The following AK7 variants were observed in gnomAD, a reference collection of about 807,000 sequenced individuals.
AK7 encodes the protein adenylate kinase 7.
In AK7, 78 loss-of-function variants were observed where a neutral mutation model predicts 96.6. That is an observed-to-expected ratio of 0.81 (90% confidence interval 0.67 to 0.97). The LOEUF is 0.97. Among genes scored for constraint, AK7 ranks in the 50% least tolerant of loss-of-function variants. The probability of loss-of-function intolerance (pLI) is 0.00; values close to 1 mark genes in which losing one functional copy is unlikely to be tolerated. For synonymous variants in AK7, 302 were observed against 317.2 expected, an observed-to-expected ratio of 0.95 and a Z score of 0.51; for missense variants, 855 against 887.9, an observed-to-expected ratio of 0.96 and a Z score of 0.47.
At chr14:96,418,780 A>G (rs1252254327) in intron 4 of AK7, among the ~76,000 whole-genome samples, 2 of 152,008 alleles carry the variant, frequency 1.3e-5, no homozygotes, top group African/African-American at 2.4e-5. Context: ...CAGCCTCCCA[A>G]AGTGCTGGGA....
intron 12 of AK7, 74 bp from the exon 13 acceptor site, chr14:96,471,404 G>A (rs1894878406): frequency 3.9e-6 from 3 of 775,000 alleles, no homozygotes; most frequent in African/African-American, 3.8e-5. Context: ...CAATTTTTGA[G>A]ATAACTTTAA....
intron 12 of AK7, among the ~76,000 whole-genome samples, chr14:96,464,544 C>CAAAAAAA (rs375649324): frequency 1.7e-5 from 1 of 57,664 alleles, no homozygotes; most frequent in Non-Finnish European, 2.9e-5. Context: ...GACCCTGTCC[C>CAAAAAAA]AAAAAAAAAA....
chr14:96,472,828 T>C (rs1216012240), intron 14 of AK7, 73 bp downstream of exon 14: 5 of 1,336,066 alleles, frequency 3.7e-6, no homozygotes, highest in Middle Eastern at 2.3e-4. Context: ...ACGCCTGTAA[T>C]CTCAGAACTT....
intron 10 of AK7, among the ~76,000 whole-genome samples, chr14:96,453,562 G>C (rs541336604): frequency 9.8e-5 from 15 of 152,302 alleles, no homozygotes; most frequent in Admixed American, 5.2e-4. Context: ...TGCTGCTTCA[G>C]AGACAGATGC....
Position 96,456,354 on chromosome 14 carries a change from A to G in AK7, c.1106A>G (p.Lys369Arg), listed in dbSNP as rs1566796370. 1 of 1,613,278 alleles carries G rather than the reference A, an allele frequency of 6.2e-7. No homozygotes were observed. The highest frequency in any genetic ancestry group is 1.1e-5 in the South Asian group (1 of 90,976). ...TACTCTCTCCTCTTTCAGCCAATCAAGATCTGCATTCTTGGTCCCCCTGCT... is the reference window on the plus strand; with the variant it reads ...TACTCTCTCCTCTTTCAGCCAATCAGGATCTGCATTCTTGGTCCCCCTGCT... ...YKQSRGLMPIKICILGPPAVG... is the reference protein window; with the variant it reads ...YKQSRGLMPIRICILGPPAVG... The change falls in exon 11 of 18, where the codon AAG becomes AGG. Residue 369 changes from lysine (K) to arginine (R), a missense_variant. By Grantham distance (26) the Lys-to-Arg change is conservative. Coordinates refer to ENST00000267584, the MANE Select transcript of AK7 (RefSeq NM_152327.5).
chr14:96,459,708 CT>C (rs1300561357), intron 12 of AK7, among the ~76,000 whole-genome samples: 1 of 151,776 alleles, frequency 6.6e-6, no homozygotes, highest in Non-Finnish European at 1.5e-5. Context: ...TGAAACCCGT[CT>C]CTACTAAAAC....
At position 96,478,449 on chromosome 14, in the gene AK7, CTG is replaced by C. The variant is rs1895307445; in HGVS notation, c.1556-14_1556-13del. 2 of 1,613,850 alleles carry C rather than the reference CTG, an allele frequency of 1.2e-6. No homozygotes were observed. Among genetic ancestry groups the C allele is most frequent in the African/African-American group, 2.7e-5 (2 of 75,042 alleles). ...CGCTGTATTGTGCCAACTCTGGAGTCTGTCCTTCTCCCCAGAATTCGTTTGTG... is the reference window on the plus strand; with the variant it reads ...CGCTGTATTGTGCCAACTCTGGAGTCTCCTTCTCCCCAGAATTCGTTTGTG... On this transcript the variant is annotated splice_polypyrimidine_tract_variant and intron_variant, in intron 14 of 17. Coordinates refer to ENST00000267584, the MANE Select transcript of AK7 (RefSeq NM_152327.5).
At position 96,398,157 on chromosome 14, in the gene AK7, T is replaced by C. The variant is rs775959733; in HGVS notation, c.188T>C (p.Met63Thr). Residue 63 changes from methionine to threonine, a missense_variant, in exon 2 of 18, where the codon ATG becomes ACG. Coordinates refer to ENST00000267584, the MANE Select transcript of AK7 (RefSeq NM_152327.5). ...GAGGAAGATGAAAATAAGTCAGCTA[T>C]GCTGGAAGCTTCCTCAACCAAAGTG... ...EEEEDENKSA[M>T]LEASSTKVKE... is the part of the protein sequence containing the mutation. 1.7e-5 allele frequency: 27 copies of C among 1,614,184 alleles called. No individual in the cohort carries two copies. Among genetic ancestry groups the C allele is most frequent in the Non-Finnish European group, 2.3e-5 (27 of 1,180,030 alleles).
In AK7 at chr14:96,449,795, C is replaced by T. The variant is rs765650598; in HGVS notation, c.871-7C>T. 1.9e-6 allele frequency: 3 copies of T among 1,603,134 alleles called. No individual in the cohort carries two copies. The highest frequency in any genetic ancestry group is 1.1e-5 in the South Asian group (1 of 90,360). ...AACCAACTAATATTTCGATTTTCCT[C>T]TAACAGTGTATCAGTAAAAATACTG... On this transcript the variant is annotated splice_polypyrimidine_tract_variant and splice_region_variant and intron_variant, in intron 8 of 17. Transcript: ENST00000267584.
chr14:96,478,660 T>C lies in AK7; in HGVS notation c.1751T>C (p.Ile584Thr), dbSNP rs1222112119. ...GAACTTGAAATTCACCCGATACATATTGGTATGAAATGAATTCAAGGATAA... is the reference window on the plus strand; with the variant it reads ...GAACTTGAAATTCACCCGATACATACTGGTATGAAATGAATTCAAGGATAA... ...FDELEIHPIH[I>T]DVGKLEDAQN... is the part of the protein sequence containing the mutation. Residue 584 changes from isoleucine to threonine, a missense_variant and splice_region_variant, in exon 15 of 18, where the codon ATT (isoleucine) becomes ACT (threonine). By Grantham distance (89) the Ile-to-Thr change is moderately conservative (BLOSUM62 -1). Transcript: ENST00000267584. 3.1e-6 allele frequency: 5 copies of C among 1,613,330 alleles called. No homozygotes were observed. The highest frequency in any genetic ancestry group is 4.2e-6 in the Non-Finnish European group (5 of 1,179,614).
intron 2 of AK7, 139 bp downstream of exon 2, chr14:96,398,402 T>C (rs1278488570): frequency 1.9e-5 from 16 of 858,408 alleles, no homozygotes; most frequent in African/African-American, 3.4e-5. Flanking sequence ...AATGGCTTTC[T>C]CCTGTAATGG....
rs764521401 is a variant in AK7 at position 96,408,905 on chromosome 14, G to A, written c.462G>A (p.Thr154=). 6 of 1,614,174 alleles carry A rather than the reference G, an allele frequency of 3.7e-6. No homozygotes were observed. In the South Asian group the frequency reaches 5.5e-5, roughly 15 times the overall value. The change falls in exon 4 of 18, where the codon ACG becomes ACA. Residue 154 remains threonine (T), a synonymous_variant. Transcript: ENST00000267584. ...EKRKLFILLS[T]VMTWARSKAL... The stretch of plus-strand genomic sequence containing the variant: ...GAAAGCTATTTATTTTACTGTCGAC[G>A]GTGATGACTTGGGCGCGCTCCAAAG...
rs115365090 is a variant in AK7 at position 96,483,091 on chromosome 14, G to T, written c.1846G>T (p.Glu616Ter). 1.7e-5 allele frequency: 28 copies of T among 1,614,058 alleles called. No individual in the cohort carries two copies. Reference protein sequence around the residue: ...GEPRNYGLTDEEKAEEERKAA... With the variant: ...GEPRNYGLTD ...GCCTCGAAATTATGGTTTAACAGAC[G>T]AAGAAAAGGCAGAAGAGGAGCGGAA... Residue 616 changes from glutamate to a stop codon, truncating the protein, a stop_gained, in exon 16 of 18, where the codon GAA (glutamate) becomes TAA (stop). Transcript: ENST00000267584. LOFTEE classifies it high-confidence loss of function.
Position 96,399,635 on chromosome 14 carries a change from C to T in AK7, c.294+1372C>T, listed in dbSNP as rs1405829870. On this transcript the variant is annotated intron_variant, in intron 2 of 17. Transcript: ENST00000267584. The surrounding 1 kb of genome is among the most constrained non-coding windows in gnomAD (Gnocchi z 4.1). ...TCACAGGAGGTGCCCTGGCCGATGT[C>T]ACCAGCAGTCCCCTGACTCCCGAGG... 1.3e-5 allele frequency among the ~76,000 whole-genome samples: 2 copies of T among 152,196 alleles called. No individual in the cohort carries two copies. The highest frequency in any genetic ancestry group is 2.9e-5 in the Non-Finnish European group (2 of 68,040).
At chr14:96,459,107 T>A (rs997253285) in intron 12 of AK7, among the ~76,000 whole-genome samples, 1 of 151,778 alleles carries the variant, frequency 6.6e-6, no homozygotes, top group African/African-American at 2.4e-5. Flanking sequence ...GGAAGCCAAG[T>A]TGGGCGGATC....
chr14:96,446,703 G>A, intron 8 of AK7, 96 bp downstream of exon 8: 1 of 1,058,836 alleles, frequency 9.4e-7, no homozygotes, highest in East Asian at 2.5e-5. Flanking sequence ...CATTTTGGGA[G>A]TCCGAGGCGG....
At position 96,419,784 on chromosome 14, in the gene AK7, C is replaced by CTTTTTTTT. The variant is rs11449244; in HGVS notation, c.499-1034_499-1033insTTTTTTTT. Among the ~76,000 whole-genome samples, 6 of 101,714 alleles carry CTTTTTTTT rather than the reference C, an allele frequency of 5.9e-5. 1 individual carries two copies. The highest frequency in any genetic ancestry group is 9.5e-5 in the African/African-American group (2 of 21,110). 66.7% of individuals were successfully genotyped at this position (101,714 alleles called of 152,430 possible). A position where few individuals can be genotyped will look rare whatever the true frequency, so the allele number is the denominator to read the frequency against. On this transcript the variant is annotated intron_variant, in intron 4 of 17. Transcript: ENST00000267584. Reference sequence around the variant, plus strand: ...TCTCCTAAAGCATTTTTTTTTCTTTCTTTTCTTTTTTTTTTTTTTTTGAGA... The same window carrying CTTTTTTTT: ...TCTCCTAAAGCATTTTTTTTTCTTTCTTTTTTTTTTTTCTTTTTTTTTTTTTTTTGAGA...
At chr14:96,400,975 AG>A (rs1890375947) in intron 2 of AK7, among the ~76,000 whole-genome samples, 1 of 152,084 alleles carries the variant, frequency 6.6e-6, no homozygotes, top group African/African-American at 2.4e-5. Flanking sequence ...AACCTCAGAG[AG>A]CTGTGGGCTC....
At chr14:96,444,660 C>T (rs1401292799) in intron 7 of AK7, among the ~76,000 whole-genome samples, 1 of 152,030 alleles carries the variant, frequency 6.6e-6, no homozygotes, top group Non-Finnish European at 1.5e-5. Flanking sequence ...GTGTTTTAAT[C>T]CTTATGGCAA....
Sources: gnomAD v4.1 joint callset for allele counts (sites outside exome capture counted in the v4.1 genomes callset) on GRCh38, gnomAD v4.1.1 for gene constraint, Gnocchi (gnomAD v3.1) non-coding constraint, MANE v1.5 for transcripts, NCBI Gene and HGNC (gene_info 2026-07-23, HGNC 2026-07-21) for gene names.